TRHDE: variants seen among roughly 807,000 people sequenced by gnomAD.
The protein encoded by TRHDE is thyrotropin releasing hormone degrading enzyme, also known as thyrotropin-releasing hormone-degrading ectoenzyme.
In TRHDE, 72 loss-of-function variants were observed where a neutral mutation model predicts 125.7. That is an observed-to-expected ratio of 0.57 (90% CI 0.47 to 0.70). The LOEUF (loss-of-function observed/expected upper bound fraction) is 0.70. TRHDE is among the 30% of genes least tolerant of loss of function. TRHDE has a pLI of 0.00. For synonymous variants in TRHDE, 509 were observed against 509.1 expected, an observed-to-expected ratio of 1.00 and a Z score of 0.00; for missense variants, 1,110 against 1,327.1, an observed-to-expected ratio of 0.84 and a Z score of 2.54.
intron 1 of TRHDE, among the ~76,000 whole-genome samples, chr12:72,277,778 T>G (rs1879542175): frequency 6.6e-6 from 1 of 152,190 alleles, no homozygotes. Context: ...TAGTGCCATT[T>G]GATTTGATCA....
chr12:72,507,409 T>C (rs1878399144), intron 6 of TRHDE, among the ~76,000 whole-genome samples: 2 of 152,164 alleles, frequency 1.3e-5, no homozygotes, highest in South Asian at 2.1e-4. Context: ...GATATTGATA[T>C]GAACAGAGAT....
chr12:72,501,115 C>T (rs1878137729), intron 6 of TRHDE, among the ~76,000 whole-genome samples: 1 of 151,606 alleles, frequency 6.6e-6, no homozygotes, highest in Admixed American at 6.6e-5. Flanking sequence ...AGATTTATCC[C>T]TAAGTATTTT....
chr12:72,430,141 T>G lies in TRHDE; in HGVS notation c.1316-39617T>G, dbSNP rs183185264. ...TATGGTTTTAGCTCTTATGTTTATG[T>G]CTATAATCCATTTTTATTACTAGTT... On this transcript the variant is annotated intron_variant, in intron 3 of 18. Coordinates refer to ENST00000261180, the MANE Select transcript of TRHDE (RefSeq NM_013381.3). Among the ~76,000 whole-genome samples, 844 of 151,066 alleles carry G rather than the reference T, an allele frequency of 5.6e-3. 3 individuals carry two copies. The highest frequency in any genetic ancestry group is 0.019 in the African/African-American group (771 of 41,354).
intron 6 of TRHDE, among the ~76,000 whole-genome samples, chr12:72,501,470 T>C (rs1878152599): frequency 1.3e-5 from 2 of 152,096 alleles, no homozygotes; most frequent in African/African-American, 4.8e-5. Context: ...TGTTTTTTAG[T>C]TTGTTAATAT....
intron 2 of TRHDE, among the ~76,000 whole-genome samples, chr12:72,322,768 C>A (rs187753376): frequency 1.3e-3 from 205 of 152,180 alleles, no homozygotes; most frequent in African/African-American, 4.8e-3. Flanking sequence ...GGAAGAAATA[C>A]CTCACAAACT....
At chr12:72,352,647 T>A (rs1870634402) in intron 2 of TRHDE, among the ~76,000 whole-genome samples, 1 of 151,844 alleles carries the variant, frequency 6.6e-6, no homozygotes, top group Non-Finnish European at 1.5e-5. Context: ...TATAAGTTAC[T>A]AGAAAGATGT....
At chr12:72,403,501 A>G (rs951027569) in intron 3 of TRHDE, among the ~76,000 whole-genome samples, 1 of 152,190 alleles carries the variant, frequency 6.6e-6, no homozygotes, top group Admixed American at 6.5e-5. Context: ...TATTTTTCAC[A>G]TATTTTCCGT....
intron 2 of TRHDE, among the ~76,000 whole-genome samples, chr12:72,133,855 C>G (rs533194029): frequency 1.7e-4 from 26 of 152,310 alleles, no homozygotes; most frequent in African/African-American, 6.0e-4. Context: ...CTTTCACCTC[C>G]TCCTCAGCTT....
chr12:72,210,210 T>TATC (rs1179985307), intron 2 of TRHDE, among the ~76,000 whole-genome samples: 101 of 75,174 alleles, frequency 1.3e-3, no homozygotes, highest in African/African-American at 5.5e-3. Context: ...ATCTATCTAC[T>TATC]TTCTGATAAA....
At chr12:72,641,043 G>T (rs1480075301) in intron 15 of TRHDE, among the ~76,000 whole-genome samples, 2 of 152,184 alleles carry the variant, frequency 1.3e-5, no homozygotes, top group Admixed American at 1.3e-4. Context: ...TAGGACTCAT[G>T]TGTTTATCCC....
At chr12:72,522,129 A>G (rs2135963955) in intron 6 of TRHDE, among the ~76,000 whole-genome samples, 1 of 152,290 alleles carries the variant, frequency 6.6e-6, no homozygotes, top group African/African-American at 2.4e-5. Flanking sequence ...TGAGGCAGTA[A>G]CTTGCCCAGC....
At chr12:72,598,708 AGTTT>A (rs1423174191) in intron 12 of TRHDE, among the ~76,000 whole-genome samples, 3 of 152,054 alleles carry the variant, frequency 2.0e-5, no homozygotes, top group Non-Finnish European at 4.4e-5. Flanking sequence ...CTTCCTGGTT[AGTTT>A]TTCTTTTCTT....
chr12:72,218,253 T>A (rs1877934318), intron 2 of TRHDE, among the ~76,000 whole-genome samples: 1 of 152,138 alleles, frequency 6.6e-6, no homozygotes, highest in African/African-American at 2.4e-5. Flanking sequence ...GGATCAGGTA[T>A]AAATTTCATC....
intron 2 of TRHDE, among the ~76,000 whole-genome samples, chr12:72,323,369 C>T (rs1869186669): frequency 6.6e-6 from 1 of 152,044 alleles, no homozygotes; most frequent in East Asian, 1.9e-4. Flanking sequence ...TGTGTTGTTC[C>T]TTAGAATGTG....
intron 6 of TRHDE, among the ~76,000 whole-genome samples, chr12:72,507,617 A>C (rs1878405366): frequency 6.6e-6 from 1 of 152,228 alleles, no homozygotes; most frequent in Non-Finnish European, 1.5e-5. Context: ...TAAATTTAAA[A>C]GGGAAGCAGA....
chr12:72,511,064 C>G (rs910299637), intron 6 of TRHDE, among the ~76,000 whole-genome samples: 1 of 152,084 alleles, frequency 6.6e-6, no homozygotes, highest in African/African-American at 2.4e-5. Context: ...TAAGAAAGAA[C>G]TTCTTGACAT....
At chr12:72,203,997 T>G (rs1348520019) in intron 2 of TRHDE, among the ~76,000 whole-genome samples, 1 of 152,234 alleles carries the variant, frequency 6.6e-6, no homozygotes, top group East Asian at 1.9e-4. Flanking sequence ...CATGGTAGTT[T>G]AGGGGAATCT....
At chr12:72,458,147 G>T (rs1409263500) in intron 3 of TRHDE, among the ~76,000 whole-genome samples, 1 of 152,112 alleles carries the variant, frequency 6.6e-6, no homozygotes, top group Non-Finnish European at 1.5e-5. Context: ...ATTCGATTTG[G>T]TGTTATATCT....
At chr12:72,521,392 A>G (rs1359774275) in intron 6 of TRHDE, among the ~76,000 whole-genome samples, 2 of 152,190 alleles carry the variant, frequency 1.3e-5, no homozygotes, top group Non-Finnish European at 2.9e-5. Flanking sequence ...GCGCTATGCC[A>G]AGGCTATCTT....
Sources: gnomAD v4.1 joint callset for allele counts (sites outside exome capture counted in the v4.1 genomes callset) on GRCh38, gnomAD v4.1.1 for gene constraint, MANE v1.5 for transcripts, NCBI Gene and HGNC (gene_info 2026-07-23, HGNC 2026-07-21) for gene names.